Variants in ERC2 observed in about 807,000 individuals in gnomAD.
ERC2 encodes ELKS/RAB6-interacting/CAST family member 2, also known as ERC protein 2.
Under a neutral mutation model 114.8 loss-of-function variants are expected in ERC2, and 42 were observed. The ratio of observed to expected loss-of-function variants is 0.37; its 90% CI spans 0.29 to 0.47. The LOEUF is 0.47. Among genes scored for constraint, ERC2 ranks in the 20% least tolerant of loss-of-function variants. The probability of loss-of-function intolerance (pLI) is 0.99; values close to 1 mark genes in which losing one functional copy is unlikely to be tolerated. For missense variants in ERC2, 939 were observed against 1,150.7 expected (o/e 0.82, Z 2.66); for synonymous variants, 454 against 425.5 (o/e 1.07, Z -0.82).
chr3:55,859,119 A>G (rs2061912790), intron 14 of ERC2, among the ~76,000 whole-genome samples: 1 of 152,114 alleles, frequency 6.6e-6, no homozygotes, highest in Non-Finnish European at 1.5e-5. Flanking sequence ...TCCAGCTCTC[A>G]TACTCCATCT....
At chr3:55,663,627 G>A (rs1248487527) in intron 17 of ERC2, among the ~76,000 whole-genome samples, 1 of 152,178 alleles carries the variant, frequency 6.6e-6, no homozygotes, top group Non-Finnish European at 1.5e-5. Flanking sequence ...TCCTTTCGGA[G>A]GGCAAGTTGG....
In ERC2 at chr3:55,919,224, T is replaced by C. The variant is rs137855754; in HGVS notation, c.2404-30675A>G. ...CAAGACCTTATCTCTACAAAAAGTT[T>C]CAAAATTAGCAGGGCACAGTGGCAC... is the stretch of plus-strand genomic sequence containing the variant. On this transcript the variant is annotated intron_variant, in intron 13 of 17. Coordinates refer to ENST00000288221, the MANE Select transcript of ERC2 (RefSeq NM_015576.3). Among the ~76,000 whole-genome samples the C allele has an allele frequency of 3.8e-3, 577 of 152,100 alleles. 9 individuals are homozygous for C. The highest frequency in any genetic ancestry group is 0.013 in the African/African-American group (551 of 41,514).
intron 7 of ERC2, among the ~76,000 whole-genome samples, chr3:56,068,664 T>C (rs1325405248): frequency 6.6e-6 from 1 of 152,192 alleles, no homozygotes; most frequent in Non-Finnish European, 1.5e-5. Flanking sequence ...TCTTTCTAGC[T>C]TTCTGATGTG....
chr3:55,599,214 C>A (rs1391763817), intron 17 of ERC2, among the ~76,000 whole-genome samples: 1 of 152,204 alleles, frequency 6.6e-6, no homozygotes, highest in East Asian at 1.9e-4. Flanking sequence ...GCCACGTTGC[C>A]TGCTTACAGC....
At chr3:55,715,121 T>A (rs1300705363) in intron 15 of ERC2, among the ~76,000 whole-genome samples, 2 of 152,138 alleles carry the variant, frequency 1.3e-5, no homozygotes, top group African/African-American at 2.4e-5. Flanking sequence ...ACAACCAGCA[T>A]CACCAATCTC....
At chr3:55,751,343 G>A (rs2066693299) in intron 14 of ERC2, among the ~76,000 whole-genome samples, 1 of 152,240 alleles carries the variant, frequency 6.6e-6, no homozygotes, top group South Asian at 2.1e-4. Context: ...TCGAGCTCCA[G>A]GTCCTTCTAG....
chr3:56,339,181 T>C (rs1182954088), intron 2 of ERC2, among the ~76,000 whole-genome samples: 4 of 152,074 alleles, frequency 2.6e-5, no homozygotes, highest in Non-Finnish European at 5.9e-5. Flanking sequence ...GGAGCCGCAA[T>C]TGAATCAGGA....
At position 55,682,792 on chromosome 3, in the gene ERC2, C is replaced by T. The variant is rs1011795249; in HGVS notation, c.*39+1002G>A. 2.0e-5 allele frequency among the ~76,000 whole-genome samples: 3 copies of T among 152,336 alleles called. No individual in the cohort carries two copies. In the South Asian group the frequency reaches 6.2e-4, roughly 32 times the overall value. On this transcript the variant is annotated intron_variant, in intron 17 of 17. Transcript: ENST00000288221. ...AATCACCATGGCACACAATCAACCA[C>T]ATTCCTTGTTCTGAATAAAACATCA...
At chr3:56,035,678 C>T (rs1407410157) in intron 7 of ERC2, among the ~76,000 whole-genome samples, 11 of 152,188 alleles carry the variant, frequency 7.2e-5, no homozygotes, top group Admixed American at 7.2e-4. Context: ...CTGGAAGATA[C>T]AGCATTCAAG....
At chr3:56,140,850 C>T (rs1041384371) in intron 5 of ERC2, among the ~76,000 whole-genome samples, 14 of 151,968 alleles carry the variant, frequency 9.2e-5, no homozygotes, top group Admixed American at 2.0e-4. Flanking sequence ...ATGGTGAAAC[C>T]CCCTCTCCAC....
At chr3:55,788,418 A>G (rs766749860) in intron 14 of ERC2, among the ~76,000 whole-genome samples, 1 of 152,192 alleles carries the variant, frequency 6.6e-6, no homozygotes, top group African/African-American at 2.4e-5. Flanking sequence ...AATGATCATC[A>G]GCTACAATGG....
intron 1 of ERC2, among the ~76,000 whole-genome samples, chr3:56,462,554 C>T (rs148668951): frequency 1.3e-5 from 2 of 152,234 alleles, no homozygotes; most frequent in Admixed American, 1.3e-4. Context: ...CTTAATCCAG[C>T]CTAATTTTCC....
chr3:55,711,283 A>T (rs1426247687), intron 15 of ERC2, among the ~76,000 whole-genome samples: 2 of 152,224 alleles, frequency 1.3e-5, no homozygotes, highest in Admixed American at 6.5e-5. Flanking sequence ...TATGTAAATC[A>T]TACATGCTAG....
At chr3:55,897,224 A>G (rs954502434) in intron 13 of ERC2, among the ~76,000 whole-genome samples, 2 of 151,942 alleles carry the variant, frequency 1.3e-5, no homozygotes, top group Non-Finnish European at 2.9e-5. Flanking sequence ...CCAGGACCCC[A>G]CTCCAGGTTC....
At chr3:56,252,757 C>CAAAAAAAAAAAAAA (rs71099628) in intron 3 of ERC2, among the ~76,000 whole-genome samples, 13 of 74,154 alleles carry the variant, frequency 1.8e-4, no homozygotes, top group African/African-American at 7.4e-4. Flanking sequence ...AACTCTGTCT[C>CAAAAAAAAAAAAAA]AAAAAAAAAA....
chr3:56,057,464 T>C (rs1302527549), intron 7 of ERC2, among the ~76,000 whole-genome samples: 1 of 152,242 alleles, frequency 6.6e-6, no homozygotes, highest in East Asian at 1.9e-4. Flanking sequence ...AGTTGTATTC[T>C]TCTTAATTAG....
intron 2 of ERC2, among the ~76,000 whole-genome samples, chr3:56,332,678 T>A (rs1576468128): frequency 6.6e-6 from 1 of 152,210 alleles, no homozygotes; most frequent in Non-Finnish European, 1.5e-5. Flanking sequence ...TCAATAAATA[T>A]TTGCTGAATG....
intron 14 of ERC2, among the ~76,000 whole-genome samples, chr3:55,878,201 A>C (rs2062953760): frequency 6.6e-6 from 1 of 152,188 alleles, no homozygotes; most frequent in Non-Finnish European, 1.5e-5. Context: ...GAAAGACTAT[A>C]CTTCTCTAGC....
At chr3:56,179,200 G>A (rs1478641446) in intron 3 of ERC2, among the ~76,000 whole-genome samples, 1 of 152,172 alleles carries the variant, frequency 6.6e-6, no homozygotes, top group African/African-American at 2.4e-5. Context: ...CGGAAACGAG[G>A]GAACAAGCTG....
Sources: gnomAD v4.1 joint callset for allele counts (sites outside exome capture counted in the v4.1 genomes callset) on GRCh38, gnomAD v4.1.1 for gene constraint, MANE v1.5 for transcripts, NCBI Gene and HGNC (gene_info 2026-07-23, HGNC 2026-07-21) for gene names.